The following BACE2 variants were observed in gnomAD, a reference collection of about 807,000 sequenced individuals.
BACE2 encodes 56 kDa aspartic-like protease.
Under a neutral mutation model 46.2 loss-of-function variants are expected in BACE2, and 17 were observed. The ratio of observed to expected loss-of-function variants is 0.37; its 90% CI spans 0.25 to 0.55. The LOEUF (loss-of-function observed/expected upper bound fraction) is 0.55. Ranked by LOEUF, BACE2 falls within the 20% of genes least tolerant of loss-of-function variation. BACE2 has a pLI of 0.82. For missense variants in BACE2, 595 were observed against 698.1 expected, an observed-to-expected ratio of 0.85 and a Z score of 1.66; for synonymous variants, 277 against 295.9, an observed-to-expected ratio of 0.94 and a Z score of 0.66.
chr21:41,192,629 A>G (rs1230799738), intron 1 of BACE2, among the ~76,000 whole-genome samples: 2 of 152,180 alleles, frequency 1.3e-5, no homozygotes, highest in Non-Finnish European at 2.9e-5. Flanking sequence ...AGGCCTGCCA[A>G]CAGCTCCAAT....
chr21:41,212,502 G>T (rs1413412501), intron 1 of BACE2, among the ~76,000 whole-genome samples: 1 of 152,192 alleles, frequency 6.6e-6, no homozygotes, highest in East Asian at 1.9e-4. Flanking sequence ...GACACTGGTA[G>T]GGGGCAGGAA....
At chr21:41,244,698 C>T (rs1342218637) in intron 5 of BACE2, among the ~76,000 whole-genome samples, 1 of 152,134 alleles carries the variant, frequency 6.6e-6, no homozygotes, top group African/African-American at 2.4e-5. Flanking sequence ...ATGGCAATGG[C>T]ATAGCTTGGG....
At chr21:41,194,344 G>A (rs1203156415) in intron 1 of BACE2, among the ~76,000 whole-genome samples, 1 of 152,120 alleles carries the variant, frequency 6.6e-6, no homozygotes, top group Non-Finnish European at 1.5e-5. Context: ...ACATGGCAGG[G>A]AAAATGATTC....
In BACE2 at chr21:41,181,348, A is replaced by AT. The variant is rs1985116144; in HGVS notation, c.312+12777dup. On this transcript the variant is annotated intron_variant, in intron 1 of 8. Coordinates refer to ENST00000330333, the MANE Select transcript of BACE2 (RefSeq NM_012105.5). ...ATTGCCAGGTTGGGTCTATAGAGAT[A>AT]TTTTCCACCTGTTCTCATGGTGGTG... 1.8e-5 allele frequency: 3 copies of AT among 166,984 alleles called. No individual in the cohort carries two copies. In the Admixed American group the frequency reaches 2.0e-4, roughly 11 times the overall value. 10.3% of individuals were successfully genotyped at this position (166,984 alleles called of 1,614,324 possible). A position where few individuals can be genotyped will look rare whatever the true frequency, so the allele number is the denominator to read the frequency against.
chr21:41,243,589 G>A, intron 5 of BACE2, 79 bp downstream of exon 5: 2 of 1,411,878 alleles, frequency 1.4e-6, no homozygotes, highest in South Asian at 3.3e-5. Flanking sequence ...ACCCGTAGAT[G>A]CCAATAGAAG....
chr21:41,232,202 T>C (rs564826450), intron 2 of BACE2, among the ~76,000 whole-genome samples: 1 of 152,306 alleles, frequency 6.6e-6, no homozygotes, highest in African/African-American at 2.4e-5. Context: ...AGGATATTTC[T>C]GTCGTCACAG....
At position 41,228,897 on chromosome 21, in the gene BACE2, A is replaced by T. The variant is rs927017073; in HGVS notation, c.401+2543A>T. ...TAGTAGCGAATATGCAATGTATACT[A>T]AACCTGTGTAGAAAAGATGGTATGC... On this transcript the variant is annotated intron_variant, in intron 2 of 8. Transcript: ENST00000330333. 3.3e-5 allele frequency among the ~76,000 whole-genome samples: 5 copies of T among 152,254 alleles called. No homozygotes were observed. In the East Asian group the frequency reaches 9.6e-4, roughly 29 times the overall value.
intron 5 of BACE2, among the ~76,000 whole-genome samples, chr21:41,244,138 T>C (rs1321539476): frequency 6.6e-6 from 1 of 152,230 alleles, no homozygotes; most frequent in Admixed American, 6.5e-5. Flanking sequence ...AGCCTCAGTC[T>C]TCTATAGCAC....
At position 41,275,499 on chromosome 21, in the gene BACE2, G is replaced by A. The variant is rs144644942; in HGVS notation, c.1432G>A (p.Val478Ile). 384 of 1,614,100 alleles carry A rather than the reference G, an allele frequency of 2.4e-4. 1 individual carries two copies. The African/African-American group carries it at 4.2e-3, about 18-fold the overall frequency. Residue 478 changes from valine (V) to isoleucine (I), a missense_variant, in exon 9 of 9, where the codon GTC becomes ATC. Val to Ile is a conservative substitution (Grantham distance 29, BLOSUM62 3). This residue lies in a region of BACE2 where 343 missense variants were observed against 419.4 expected (regional missense o/e 0.82). Transcript: ENST00000330333. ...LWIVSYALMS[V>I]CGAILLVLIV... ...GATTGTGTCCTATGCGCTCATGAGC[G>A]TCTGTGGAGCCATCCTCCTTGTCTT...
intron 7 of BACE2, among the ~76,000 whole-genome samples, chr21:41,255,800 C>G (rs1274087211): frequency 6.6e-6 from 1 of 152,172 alleles, no homozygotes; most frequent in Non-Finnish European, 1.5e-5. Flanking sequence ...GCTCTACACA[C>G]CATAAAGTTT....
intron 1 of BACE2, among the ~76,000 whole-genome samples, chr21:41,221,864 A>T (rs542633161): frequency 6.7e-6 from 1 of 149,466 alleles, no homozygotes; most frequent in Non-Finnish European, 1.5e-5. Flanking sequence ...GTCAGTGTCT[A>T]CTGTGTGCCT....
chr21:41,242,073 A>C (rs1987310159), intron 4 of BACE2, 126 bp downstream of exon 4: 5 of 1,263,766 alleles, frequency 4.0e-6, no homozygotes, highest in Non-Finnish European at 4.4e-6. Context: ...TAAAACTTTC[A>C]TCCTCCTTGT....
At chr21:41,227,849 C>T (rs1481423719) in intron 2 of BACE2, among the ~76,000 whole-genome samples, 2 of 152,196 alleles carry the variant, frequency 1.3e-5, no homozygotes, top group Non-Finnish European at 2.9e-5. Flanking sequence ...GTTTGGTTTA[C>T]GATGGCTTAT....
intron 1 of BACE2, among the ~76,000 whole-genome samples, chr21:41,222,153 A>G (rs1273604422): frequency 2.0e-5 from 3 of 152,186 alleles, no homozygotes; most frequent in Non-Finnish European, 4.4e-5. Context: ...TGGAGTGAGG[A>G]CTGTGCTGCC....
intron 8 of BACE2, among the ~76,000 whole-genome samples, chr21:41,260,578 C>T (rs964140467): frequency 2.6e-5 from 4 of 152,216 alleles, no homozygotes; most frequent in Non-Finnish European, 5.9e-5. Context: ...GTTGTGGTGG[C>T]AGGAGCCCTG....
intron 8 of BACE2, among the ~76,000 whole-genome samples, chr21:41,271,913 C>T (rs766276968): frequency 2.0e-5 from 3 of 151,998 alleles, no homozygotes; most frequent in Non-Finnish European, 4.4e-5. Flanking sequence ...ATATACTTCC[C>T]GCTTCTGGTG....
chr21:41,215,661 G>A (rs538168666), intron 1 of BACE2, among the ~76,000 whole-genome samples: 11 of 152,320 alleles, frequency 7.2e-5, no homozygotes, highest in Admixed American at 1.3e-4. Context: ...CTAGTATCAG[G>A]AAGGAAGCAG....
At chr21:41,197,281 T>G (rs1286563849) in intron 1 of BACE2, among the ~76,000 whole-genome samples, 12 of 151,756 alleles carry the variant, frequency 7.9e-5, no homozygotes, top group Non-Finnish European at 1.2e-4. Context: ...TTTTGTTTTT[T>G]TTTTTTTTTA....
intron 1 of BACE2, among the ~76,000 whole-genome samples, chr21:41,220,034 C>T (rs962312408): frequency 6.6e-6 from 1 of 152,106 alleles, no homozygotes; most frequent in South Asian, 2.1e-4. Context: ...TGCTTCTGAT[C>T]GATCGGCTAC....
Sources: gnomAD v4.1 joint callset for allele counts (sites outside exome capture counted in the v4.1 genomes callset) on GRCh38, gnomAD v4.1.1 for gene constraint, gnomAD v4.1.1 regional missense constraint, MANE v1.5 for transcripts, NCBI Gene and HGNC (gene_info 2026-07-23, HGNC 2026-07-21) for gene names.